COQ8B: variants seen among roughly 807,000 people sequenced by gnomAD.
COQ8B encodes the protein atypical kinase COQ8B, mitochondrial.
Under a neutral mutation model 62.0 loss-of-function variants are expected in COQ8B, and 44 were observed. The ratio of observed to expected loss-of-function variants is 0.71; its 90% CI spans 0.56 to 0.91. The LOEUF (loss-of-function observed/expected upper bound fraction) is 0.91, where lower values mean the gene tolerates loss of function less well. Among genes scored for constraint, COQ8B ranks in the 40% least tolerant of loss-of-function variants. The pLI, the probability that COQ8B is intolerant of heterozygous loss-of-function variation, is 0.00. For missense variants in COQ8B, 649 were observed against 731.6 expected, an observed-to-expected ratio of 0.89 and a Z score of 1.30; for synonymous variants, 252 against 289.9, an observed-to-expected ratio of 0.87 and a Z score of 1.33.
At chr19:40,708,047 TTTTC>T (rs2082114109) in intron 5 of COQ8B, 1 of 152,216 alleles carries the variant, frequency 6.6e-6, no homozygotes, top group Admixed American at 6.5e-5. Flanking sequence ...AAACATTTAT[TTTTC>T]TTTTTTTAAT....
intron 12 of COQ8B, among the ~76,000 whole-genome samples, chr19:40,696,731 C>T (rs1372951965): frequency 1.1e-4 from 16 of 152,044 alleles, no homozygotes; most frequent in Non-Finnish European, 2.9e-5. Flanking sequence ...ATCACACCTC[C>T]CCCAGGTCCC....
chr19:40,697,851 T>TATATATATATATAGAGAGAGAGAGAGAG (rs1446181673), intron 12 of COQ8B, among the ~76,000 whole-genome samples: 1 of 54,760 alleles, frequency 1.8e-5, no homozygotes, highest in Non-Finnish European at 3.1e-5. Context: ...TATATATATA[T>TATATATATATATAGAGAGAGAGAGAGAG]AGAGAGAGAG....
intron 2 of COQ8B, 39 bp downstream of exon 2, chr19:40,714,492 A>G (rs775436183): frequency 6.2e-7 from 1 of 1,613,654 alleles, no homozygotes; most frequent in Admixed American, 1.7e-5. Context: ...AGTCTCCCTC[A>G]GCCTCTTCCC....
intron 12 of COQ8B, among the ~76,000 whole-genome samples, chr19:40,696,867 A>G (rs1428713731): frequency 6.6e-6 from 1 of 152,148 alleles, no homozygotes. Context: ...CATATTTTCA[A>G]ACTTCACAGA....
intron 1 of COQ8B, 43 bp from the exon 2 acceptor site, chr19:40,714,678 G>A: frequency 6.6e-7 from 1 of 1,515,426 alleles, no homozygotes; most frequent in Non-Finnish European, 8.9e-7. Context: ...GAGTTGCCTG[G>A]CTTCTTGGCC....
At chr19:40,699,201 C>T (rs947936843) in intron 12 of COQ8B, among the ~76,000 whole-genome samples, 6 of 151,330 alleles carry the variant, frequency 4.0e-5, no homozygotes, top group African/African-American at 9.7e-5. Context: ...GATCTTGGTT[C>T]GCTGCAGCCT....
chr19:40,692,131 C>T lies in COQ8B; in HGVS notation c.1539G>A (p.Gln513=). The T allele has an allele frequency of 6.2e-7, 1 of 1,605,938 alleles. No individual in the cohort carries two copies. Residue 513 remains glutamine (Q), a synonymous_variant, in exon 15 of 15, where the codon CAG becomes CAA. Coordinates refer to ENST00000324464, the MANE Select transcript of COQ8B (RefSeq NM_024876.4). ...TGGCCCAGTAGCGGTGGTAGGTGTCCTGGAAGAGGTCCCTGCAGGCGATGT... is the reference window on the plus strand; with the variant it reads ...TGGCCCAGTAGCGGTGGTAGGTGTCTTGGAAGAGGTCCCTGCAGGCGATGT... ...RAHIACRDLF[Q]DTYHRYWASR...
intron 12 of COQ8B, among the ~76,000 whole-genome samples, chr19:40,698,556 C>G (rs897089216): frequency 1.1e-4 from 16 of 151,936 alleles, no homozygotes; most frequent in Admixed American, 8.5e-4. Flanking sequence ...AAAAAAAGTC[C>G]TGTTGGAAAC....
intron 5 of COQ8B, among the ~76,000 whole-genome samples, chr19:40,705,982 A>G (rs1857114703): frequency 6.6e-6 from 1 of 152,146 alleles, no homozygotes; most frequent in Admixed American, 6.5e-5. Flanking sequence ...CATAAGTTAA[A>G]ACAAATTGCA....
Position 40,700,294 on chromosome 19 carries a change from C to A in COQ8B, c.1035+16G>T. The stretch of plus-strand genomic sequence containing the variant: ...CTGGGGCCATGCCCTTCCCACTGTG[C>A]CACCAGACAGCATACCTGGTTCCGC... On this transcript the variant is annotated intron_variant, in intron 11 of 14. Coordinates refer to ENST00000324464, the MANE Select transcript of COQ8B (RefSeq NM_024876.4). 1.9e-6 allele frequency: 3 copies of A among 1,611,890 alleles called. No individual in the cohort carries two copies. The highest frequency in any genetic ancestry group is 2.5e-6 in the Non-Finnish European group (3 of 1,178,418).
chr19:40,699,603 C>T (rs917607207), intron 12 of COQ8B, among the ~76,000 whole-genome samples: 1 of 152,180 alleles, frequency 6.6e-6, no homozygotes, highest in Non-Finnish European at 1.5e-5. Context: ...GTAGTGATGG[C>T]TAACTGCCTT....
At position 40,714,535 on chromosome 19, in the gene COQ8B, C is replaced by A; in HGVS notation, c.98G>T (p.Arg33Leu). The change falls in exon 2 of 15, where the codon CGC becomes CTC. Residue 33 changes from arginine to leucine, a missense_variant. Arg to Leu is a moderately radical substitution (Grantham distance 102, BLOSUM62 -2). Coordinates refer to ENST00000324464, the MANE Select transcript of COQ8B (RefSeq NM_024876.4). The stretch of plus-strand genomic sequence containing the variant: ...ACCTGCTCCCTAGCCTCTTACCCAG[C>A]GGTGGGGCCCAGGCCCCAGGGCCCC... ...PCGALGPGPH[R>L]WGPCGGSWAQ... 1 of 1,613,752 alleles carries A rather than the reference C, an allele frequency of 6.2e-7. No homozygotes were observed. The highest frequency in any genetic ancestry group is 1.1e-5 in the South Asian group (1 of 91,032).
At chr19:40,715,801 C>T (rs917098507) in intron 1 of COQ8B, 7 of 177,280 alleles carry the variant, frequency 3.9e-5, no homozygotes, top group Non-Finnish European at 6.6e-5. Context: ...GAGTCAGGAA[C>T]CTTGGCATCC....
At chr19:40,712,081 G>A (rs754100839) in intron 4 of COQ8B, among the ~76,000 whole-genome samples, 1 of 151,652 alleles carries the variant, frequency 6.6e-6, no homozygotes, top group Non-Finnish European at 1.5e-5. Context: ...GGAGTGCAAT[G>A]GTGCGATCTT....
chr19:40,700,524 G>T, intron 10 of COQ8B, 73 bp from the exon 11 acceptor site: 1 of 1,542,726 alleles, frequency 6.5e-7, no homozygotes, highest in Non-Finnish European at 8.8e-7. Flanking sequence ...CCTCCTCCTT[G>T]TGCTCTCAGA....
chr19:40,708,125 A>C (rs2082114862), intron 5 of COQ8B: 1 of 152,166 alleles, frequency 6.6e-6, no homozygotes, highest in Admixed American at 6.5e-5. Flanking sequence ...TCTCTGTCTC[A>C]TTCCAATTTT....
chr19:40,710,016 C>T, intron 5 of COQ8B, 43 bp downstream of exon 5: 4 of 1,608,670 alleles, frequency 2.5e-6, no homozygotes, highest in Non-Finnish European at 3.4e-6. Flanking sequence ...CCAGGTCACA[C>T]AGCAAAGCCA....
intron 5 of COQ8B, among the ~76,000 whole-genome samples, chr19:40,709,243 T>C (rs1017151688): frequency 4.6e-5 from 7 of 152,228 alleles, no homozygotes; most frequent in African/African-American, 1.2e-4. Flanking sequence ...TCCATTTGTC[T>C]CCAAAAAGTC....
intron 4 of COQ8B, among the ~76,000 whole-genome samples, chr19:40,711,893 G>T (rs1386460479): frequency 6.6e-6 from 1 of 152,106 alleles, no homozygotes; most frequent in Non-Finnish European, 1.5e-5. Context: ...GAAGTAATTT[G>T]CCCAGAGTCA....
Sources: gnomAD v4.1 joint callset for allele counts (sites outside exome capture counted in the v4.1 genomes callset) on GRCh38, gnomAD v4.1.1 for gene constraint, MANE v1.5 for transcripts, NCBI Gene and HGNC (gene_info 2026-07-23, HGNC 2026-07-21) for gene names.